CADPS2: variants seen among roughly 807,000 people sequenced by gnomAD.
The protein encoded by CADPS2 is calcium-dependent secretion activator 2.
CADPS2 carries 93 observed loss-of-function variants against 172.5 expected under a neutral mutation model. The observed-to-expected ratio is 0.54, with a 90% CI of 0.46 to 0.64. The LOEUF (loss-of-function observed/expected upper bound fraction) is 0.64, where lower values mean the gene tolerates loss of function less well. CADPS2 is among the 30% of genes least tolerant of loss of function. CADPS2 has a pLI of 0.00. For missense variants in CADPS2, 1,420 were observed against 1,565.9 expected (o/e 0.91, Z 1.57); for synonymous variants, 546 against 555.2 (o/e 0.98, Z 0.23).
intron 28 of CADPS2, among the ~76,000 whole-genome samples, chr7:122,344,283 G>A (rs895737113): frequency 6.6e-6 from 1 of 152,146 alleles, no homozygotes; most frequent in Non-Finnish European, 1.5e-5. Flanking sequence ...AAATAAATAA[G>A]CTTCAAAGCA....
At chr7:122,455,418 T>C (rs2053638669) in intron 14 of CADPS2, among the ~76,000 whole-genome samples, 1 of 151,366 alleles carries the variant, frequency 6.6e-6, no homozygotes, top group Non-Finnish European at 1.5e-5. Context: ...TAAATAATAA[T>C]ATTTAATAAA....
chr7:122,421,598 C>T (rs908943773), intron 17 of CADPS2, among the ~76,000 whole-genome samples: 4 of 152,140 alleles, frequency 2.6e-5, no homozygotes, highest in African/African-American at 9.7e-5. Context: ...CTTCGCTAGC[C>T]ACTGAGGGGA....
chr7:122,658,677 T>A (rs141013633), intron 3 of CADPS2, among the ~76,000 whole-genome samples: 2 of 152,034 alleles, frequency 1.3e-5, no homozygotes, highest in African/African-American at 2.4e-5. Flanking sequence ...TAGGTGGGAA[T>A]TGAACAATGA....
chr7:122,322,696 C>T (rs189010683), intron 29 of CADPS2, among the ~76,000 whole-genome samples: 1 of 152,196 alleles, frequency 6.6e-6, no homozygotes. Flanking sequence ...AAAAACTTTG[C>T]AAATAATTTC....
chr7:122,686,778 G>A lies in CADPS2; in HGVS notation c.454-23209C>T, dbSNP rs561879777. Among the ~76,000 whole-genome samples the A allele has an allele frequency of 3.9e-5, 6 of 152,234 alleles. No homozygotes were observed. In the South Asian group the frequency reaches 6.2e-4, roughly 16 times the overall value. The stretch of plus-strand genomic sequence containing the variant: ...CGGCTCACTGCAACCTCCGCCTCCC[G>A]TGCTCAAGCAATTCTCATGCTTCAG... On this transcript the variant is annotated intron_variant, in intron 2 of 29. Transcript: ENST00000449022.
Position 122,775,123 on chromosome 7 carries a change from T to C in CADPS2, c.340-38055A>G, listed in dbSNP as rs568517796. Among the ~76,000 whole-genome samples, 217 of 152,336 alleles carry C rather than the reference T, an allele frequency of 1.4e-3. 1 individual carries two copies. In the South Asian group the frequency reaches 0.023, roughly 16 times the overall value. On this transcript the variant is annotated intron_variant, in intron 1 of 29. Transcript: ENST00000449022. ...TTATAAAAGTTTTATGGAAATTATATTCATTCTGGGTACACCGTGTCTTTT... is the reference window on the plus strand; with the variant it reads ...TTATAAAAGTTTTATGGAAATTATACTCATTCTGGGTACACCGTGTCTTTT...
chr7:122,725,007 C>A (rs1346119977), intron 2 of CADPS2, among the ~76,000 whole-genome samples: 1 of 151,920 alleles, frequency 6.6e-6, no homozygotes, highest in Non-Finnish European at 1.5e-5. Flanking sequence ...TCTATGACAA[C>A]TCATTAACAA....
At chr7:122,702,321 G>A in intron 2 of CADPS2, 1 of 1,613,734 alleles carries the variant, frequency 6.2e-7, no homozygotes, top group East Asian at 2.2e-5. Flanking sequence ...GTCCCCTGGT[G>A]AGACATGGGA....
Position 122,820,794 on chromosome 7 carries a change from C to T in CADPS2, c.339+65205G>A, listed in dbSNP as rs1200749245. Among the ~76,000 whole-genome samples, 10 of 136,574 alleles carry T rather than the reference C, an allele frequency of 7.3e-5. 2 individuals are homozygous for T. The highest frequency in any genetic ancestry group is 2.0e-4 in the East Asian group (1 of 4,888). The allele number at this position is 136,574 out of a possible 152,430, so 89.6% of individuals were successfully genotyped here. A position where few individuals can be genotyped will look rare whatever the true frequency, so the allele number is the denominator to read the frequency against. On this transcript the variant is annotated intron_variant, in intron 1 of 29. Transcript: ENST00000449022. ...CAGGATGGTCTCGATCTCCTGACCT[C>T]GTGATCCGCCCGCCTCGGCCTCCCA... is the stretch of plus-strand genomic sequence containing the variant.
At chr7:122,760,824 AG>A (rs1010488136) in intron 1 of CADPS2, among the ~76,000 whole-genome samples, 1 of 32,222 alleles carries the variant, frequency 3.1e-5, no homozygotes, top group Non-Finnish European at 5.9e-5. Context: ...GGGTGGGGGG[AG>A]GGGGGCGGGA....
intron 22 of CADPS2, among the ~76,000 whole-genome samples, chr7:122,390,990 C>T (rs1344262784): frequency 6.6e-6 from 1 of 151,844 alleles, no homozygotes; most frequent in African/African-American, 2.4e-5. Context: ...GCAATCCTTG[C>T]ATGATTTATG....
intron 1 of CADPS2, among the ~76,000 whole-genome samples, chr7:122,838,181 CAT>C (rs1259854672): frequency 9.2e-5 from 14 of 152,156 alleles, no homozygotes; most frequent in Non-Finnish European, 1.9e-4. Flanking sequence ...ACAAAAACCA[CAT>C]GATTATCTCA....
At chr7:122,768,186 C>T (rs1436791903) in intron 1 of CADPS2, among the ~76,000 whole-genome samples, 4 of 152,138 alleles carry the variant, frequency 2.6e-5, no homozygotes, top group Non-Finnish European at 4.4e-5. Context: ...AAGCATCCAA[C>T]ATATATTAGC....
chr7:122,574,452 A>T (rs1426837978), intron 7 of CADPS2, among the ~76,000 whole-genome samples: 3 of 148,014 alleles, frequency 2.0e-5, no homozygotes, highest in East Asian at 2.0e-4. Context: ...TCTTAAAAAA[A>T]AAAAAAAAAA....
intron 2 of CADPS2, among the ~76,000 whole-genome samples, chr7:122,697,141 G>A (rs995851530): frequency 2.0e-5 from 3 of 152,066 alleles, no homozygotes; most frequent in East Asian, 3.9e-4. Context: ...CACTAAAATA[G>A]TTGCTGTTCA....
intron 27 of CADPS2, among the ~76,000 whole-genome samples, chr7:122,358,870 G>A (rs2039768454): frequency 6.6e-6 from 1 of 152,068 alleles, no homozygotes; most frequent in Non-Finnish European, 1.5e-5. Flanking sequence ...GCTCCAGGGG[G>A]CAACTTGATT....
chr7:122,486,733 C>G (rs1350285031), intron 11 of CADPS2, among the ~76,000 whole-genome samples: 2 of 152,116 alleles, frequency 1.3e-5, no homozygotes, highest in African/African-American at 4.8e-5. Context: ...CAAACAGCAT[C>G]ACATGCTACC....
chr7:122,550,131 T>C (rs1587147528), intron 8 of CADPS2, among the ~76,000 whole-genome samples: 1 of 152,172 alleles, frequency 6.6e-6, no homozygotes, highest in African/African-American at 2.4e-5. Flanking sequence ...CTCTGGGAAA[T>C]GGTGGGGCCA....
rs1286651978 is a variant in CADPS2 at position 122,621,562 on chromosome 7, C to T, written c.1023G>A (p.Gln341=). ...CTCCTATGTCCAAAAATGCAGAGTTCTGTGAACGTTTTAATTTTTGTAATT... is the reference window on the plus strand; with the variant it reads ...CTCCTATGTCCAAAAATGCAGAGTTTTGTGAACGTTTTAATTTTTGTAATT... ...EFKLQKLKRS[Q]NSAFLDIGDE... The change falls in exon 5 of 30, where the codon CAG becomes CAA. Residue 341 remains glutamine, a synonymous_variant. Coordinates refer to ENST00000449022, the MANE Select transcript of CADPS2 (RefSeq NM_017954.11). The T allele has an allele frequency of 1.2e-6, 2 of 1,613,844 alleles. No homozygotes were observed. Among genetic ancestry groups the T allele is most frequent in the Admixed American group, 3.3e-5 (2 of 60,012 alleles).
Sources: allele counts gnomAD v4.1 joint callset (sites outside exome capture counted in the v4.1 genomes callset), GRCh38; gene constraint gnomAD v4.1.1; transcripts MANE v1.5; gene names NCBI Gene and HGNC (gene_info 2026-07-23, HGNC 2026-07-21).